The following SMDT1 variants were observed in gnomAD, a reference collection of about 807,000 sequenced individuals.
SMDT1 encodes the protein single-pass membrane protein with aspartate rich tail 1, also known as essential MCU regulator, mitochondrial.
A neutral mutation model predicts 5.9 loss-of-function variants in SMDT1; 6 were observed. The observed-to-expected ratio is 1.03, with a 90% confidence interval of 0.56 to 2.02. The LOEUF (loss-of-function observed/expected upper bound fraction) is 2.02, where lower values mean the gene tolerates loss of function less well. Ranked by LOEUF, SMDT1 falls within the 30% of genes most tolerant of loss-of-function variation. SMDT1 has a pLI of 0.00. For synonymous variants in SMDT1, 81 were observed against 62.4 expected (o/e 1.30, Z -1.40); for missense variants, 159 against 145.6 (o/e 1.09, Z -0.47).
At position 42,079,870 on chromosome 22, in the gene SMDT1, A is replaced by C. The variant is rs774787944; in HGVS notation, c.102A>C (p.Ala34=). ...GGAAAGATGGCGATGTCTCCGCCGC[A>C]TGGAGCGGCTCAGGCCGGAGCCTGG... is the stretch of plus-strand genomic sequence containing the variant. ...SLRKDGDVSA[A]WSGSGRSLVP... The change falls in exon 1 of 3, where the codon GCA becomes GCC. Residue 34 remains alanine, a synonymous_variant. Transcript: ENST00000331479. 6.2e-7 allele frequency: 1 copy of C among 1,614,144 alleles called. No homozygotes were observed. Among genetic ancestry groups the C allele is most frequent in the Non-Finnish European group, 8.5e-7 (1 of 1,180,018 alleles).
At position 42,079,924 on chromosome 22, in the gene SMDT1, C is replaced by T. The variant is rs748470433; in HGVS notation, c.156C>T (p.Arg52=). Reference sequence around the variant, plus strand: ...CGTCGAGGTCAGTCATCGTTACCCGCAGCGGCGCCATTTTGCCCAAACCGG... The same window carrying T: ...CGTCGAGGTCAGTCATCGTTACCCGTAGCGGCGCCATTTTGCCCAAACCGG... ...LVPSRSVIVT[R]SGAILPKPVK... The change falls in exon 1 of 3, where the codon CGC becomes CGT. Residue 52 remains arginine (R), a synonymous_variant. Coordinates refer to ENST00000331479, the MANE Select transcript of SMDT1 (RefSeq NM_033318.5). 4.3e-6 allele frequency: 7 copies of T among 1,613,144 alleles called. No homozygotes were observed. Among genetic ancestry groups the T allele is most frequent in the African/African-American group, 2.7e-5 (2 of 74,906 alleles).
At chr22:42,082,923 G>A (rs1927894047) in intron 2 of SMDT1, among the ~76,000 whole-genome samples, 196 bp from the exon 3 acceptor site, 1 of 152,226 alleles carries the variant, frequency 6.6e-6, no homozygotes, top group Non-Finnish European at 1.5e-5. Flanking sequence ...GCTGGCAGGG[G>A]ACGTTTTTTA....
Position 42,079,742 on chromosome 22 carries a change from G to A in SMDT1, c.-27G>A. ...GAGGGCTGGGCGGTGGGGTGCGGGT[G>A]CCCGGGTGAGGGGCGGAGCTGGGGG... On this transcript the variant is annotated 5_prime_UTR_variant, in exon 1 of 3. Transcript: ENST00000331479. The A allele has an allele frequency of 6.3e-7, 1 of 1,588,838 alleles. No homozygotes were observed. The highest frequency in any genetic ancestry group is 1.1e-5 in the South Asian group (1 of 89,794).
chr22:42,081,839 G>A, intron 1 of SMDT1, 86 bp from the exon 2 acceptor site: 2 of 1,520,396 alleles, frequency 1.3e-6, no homozygotes, highest in Non-Finnish European at 1.8e-6. Context: ...ATGGGTCTGA[G>A]GGTATGTCTG....
intron 2 of SMDT1, 138 bp downstream of exon 2, chr22:42,082,203 C>T (rs1927841754): frequency 3.5e-6 from 4 of 1,147,936 alleles, no homozygotes; most frequent in East Asian, 2.4e-5. Context: ...CTAATGTTTT[C>T]GTTTGTTTGT....
intron 2 of SMDT1, among the ~76,000 whole-genome samples, chr22:42,082,644 C>A (rs188619779): frequency 4.9e-4 from 74 of 152,310 alleles, no homozygotes; most frequent in Admixed American, 2.2e-3. Context: ...CAGCCACACA[C>A]CGATTCCCAG....
At position 42,081,931 on chromosome 22, in the gene SMDT1, T is replaced by A. The variant is rs192130125; in HGVS notation, c.193T>A (p.Phe65Ile). The change falls in exon 2 of 3, where the codon TTC becomes ATC. Residue 65 changes from phenylalanine to isoleucine, a missense_variant. Phe to Ile is a conservative substitution (Grantham distance 21). Coordinates refer to ENST00000331479, the MANE Select transcript of SMDT1 (RefSeq NM_033318.5). ...CCACTCTGACCCTCTGCAGATGTCC[T>A]TCGGCCTTCTCCGTGTGTTCTCCAT... ...AILPKPVKMS[F>I]GLLRVFSIVI... 1 of 1,614,092 alleles carries A rather than the reference T, an allele frequency of 6.2e-7. No individual in the cohort carries two copies.
In SMDT1 at chr22:42,082,780, G is replaced by C. The variant is rs200705129; in HGVS notation, c.*4-339G>C. Among the ~76,000 whole-genome samples, 16 of 152,240 alleles carry C rather than the reference G, an allele frequency of 1.1e-4. No homozygotes were observed. In the East Asian group the frequency reaches 2.9e-3, roughly 28 times the overall value. ...ATTCCACCCATTCTACAGTGTCTTTGAAGTCTTCGTTCCTCCTTTCATTTG... is the reference window on the plus strand; with the variant it reads ...ATTCCACCCATTCTACAGTGTCTTTCAAGTCTTCGTTCCTCCTTTCATTTG... On this transcript the variant is annotated intron_variant, in intron 2 of 2. Coordinates refer to ENST00000331479, the MANE Select transcript of SMDT1 (RefSeq NM_033318.5).
intron 1 of SMDT1, among the ~76,000 whole-genome samples, chr22:42,081,010 C>G (rs1351519863): frequency 6.6e-6 from 1 of 152,164 alleles, no homozygotes; most frequent in Admixed American, 6.5e-5. Flanking sequence ...CAGAGCTCAC[C>G]GTAGTCTGGC....
chr22:42,081,840 G>A (rs2146862777), intron 1 of SMDT1, 85 bp from the exon 2 acceptor site: 1 of 1,524,226 alleles, frequency 6.6e-7, no homozygotes, highest in Non-Finnish European at 9.0e-7. Context: ...TGGGTCTGAG[G>A]GTATGTCTGT....
chr22:42,081,707 C>T (rs1053386223), intron 1 of SMDT1, among the ~76,000 whole-genome samples: 3 of 152,064 alleles, frequency 2.0e-5, no homozygotes, highest in African/African-American at 7.2e-5. Flanking sequence ...GGTGGTCCAC[C>T]CACCTCAGCC....
intron 2 of SMDT1, among the ~76,000 whole-genome samples, chr22:42,082,865 G>T (rs973119366): frequency 2.0e-5 from 3 of 152,166 alleles, no homozygotes; most frequent in African/African-American, 7.2e-5. Flanking sequence ...TCGGTATTAT[G>T]TGGCTAAACA....
chr22:42,083,728 C>T lies in SMDT1; in HGVS notation c.*613C>T, dbSNP rs1474801154. The T allele has an allele frequency of 6.6e-6, 1 of 152,116 alleles. No individual in the cohort carries two copies. The highest frequency in any genetic ancestry group is 1.5e-5 in the Non-Finnish European group (1 of 68,030). The allele number at this position is 152,116 out of a possible 1,614,324, so 9.4% of individuals were successfully genotyped here. On this transcript the variant is annotated 3_prime_UTR_variant, in exon 3 of 3. Transcript: ENST00000331479. ...TCATCTATTTCCTGGCTTATAACTC[C>T]CAAAACCCTTGTTTTAGGCTTTTGT...
At position 42,079,876 on chromosome 22, in the gene SMDT1, C is replaced by A. The variant is rs1234168824; in HGVS notation, c.108C>A (p.Ser36Arg). ...ATGGCGATGTCTCCGCCGCATGGAG[C>A]GGCTCAGGCCGGAGCCTGGTACCGT... ...RKDGDVSAAW[S>R]GSGRSLVPSR... Residue 36 changes from serine to arginine, a missense_variant, in exon 1 of 3, where the codon AGC (serine) becomes AGA (arginine). Physicochemically the swap from Ser to Arg is moderately radical, Grantham distance 110. Transcript: ENST00000331479. The A allele has an allele frequency of 6.2e-7, 1 of 1,614,174 alleles. No homozygotes were observed. Among genetic ancestry groups the A allele is most frequent in the Non-Finnish European group, 8.5e-7 (1 of 1,180,028 alleles).
At chr22:42,082,334 T>G (rs1242643138) in intron 2 of SMDT1, 2 of 391,212 alleles carry the variant, frequency 5.1e-6, no homozygotes, top group Non-Finnish European at 9.5e-6. Flanking sequence ...ACCGGGTAGC[T>G]GGGATTACAG....
intron 2 of SMDT1, chr22:42,082,284 C>G (rs1927848184): frequency 9.7e-6 from 5 of 517,360 alleles, no homozygotes; most frequent in Non-Finnish European, 3.4e-6. Flanking sequence ...TCACTGCAAC[C>G]TCTGCCTTCC....
At chr22:42,080,202 G>A (rs1927671282) in intron 1 of SMDT1, among the ~76,000 whole-genome samples, 1 of 152,200 alleles carries the variant, frequency 6.6e-6, no homozygotes, top group African/African-American at 2.4e-5. Flanking sequence ...GAGAGGTGCG[G>A]TGCTCTGCTC....
In SMDT1 at chr22:42,081,929, C is replaced by G. The variant is rs1470832289; in HGVS notation, c.191C>G (p.Ser64Cys). The G allele has an allele frequency of 6.2e-7, 1 of 1,614,014 alleles. No homozygotes were observed. Among genetic ancestry groups the G allele is most frequent in the Non-Finnish European group, 8.5e-7 (1 of 1,180,020 alleles). Residue 64 changes from serine to cysteine, a missense_variant, in exon 2 of 3, where the codon TCC becomes TGC. Physicochemically the swap from Ser to Cys is moderately radical, Grantham distance 112 (BLOSUM62 -1). Coordinates refer to ENST00000331479, the MANE Select transcript of SMDT1 (RefSeq NM_033318.5). ...TGCCACTCTGACCCTCTGCAGATGT[C>G]CTTCGGCCTTCTCCGTGTGTTCTCC... is the stretch of plus-strand genomic sequence containing the variant. ...GAILPKPVKMSFGLLRVFSIV... is the reference protein window; with the variant it reads ...GAILPKPVKMCFGLLRVFSIV...
At chr22:42,080,474 G>A (rs899502645) in intron 1 of SMDT1, among the ~76,000 whole-genome samples, 2 of 152,120 alleles carry the variant, frequency 1.3e-5, no homozygotes, top group African/African-American at 4.8e-5. Context: ...GGTGAAGCTC[G>A]TATCCAAGGC....
Sources: allele counts gnomAD v4.1 joint callset (sites outside exome capture counted in the v4.1 genomes callset), GRCh38; gene constraint gnomAD v4.1.1; transcripts MANE v1.5; gene names NCBI Gene and HGNC (gene_info 2026-07-23, HGNC 2026-07-21).